NPAS2: variants seen among roughly 807,000 people sequenced by gnomAD.
NPAS2 encodes the protein neuronal PAS domain-containing protein 2.
Under a neutral mutation model 107.5 loss-of-function variants are expected in NPAS2, and 23 were observed. The ratio of observed to expected loss-of-function variants is 0.21; its 90% CI spans 0.15 to 0.30. The LOEUF (loss-of-function observed/expected upper bound fraction) is 0.30. NPAS2 is among the 10% of genes least tolerant of loss of function. NPAS2 has a pLI of 1.00. For missense variants in NPAS2, 756 were observed against 1,043.3 expected (o/e 0.72, Z 3.79); for synonymous variants, 403 against 417.5 (o/e 0.97, Z 0.42).
chr2:100,985,687 C>T (rs1677739398), intron 16 of NPAS2: 1 of 152,164 alleles, frequency 6.6e-6, no homozygotes, highest in African/African-American at 2.4e-5. Context: ...TCATTCAGTA[C>T]TTACTATGTC....
chr2:100,995,533 G>T lies in NPAS2; in HGVS notation c.2426G>T (p.Arg809Met). The T allele has an allele frequency of 6.2e-7, 1 of 1,612,106 alleles. No individual in the cohort carries two copies. The highest frequency in any genetic ancestry group is 1.7e-5 in the Admixed American group (1 of 59,856). The change falls in exon 21 of 21, where the codon AGG becomes ATG. Residue 809 changes from arginine to methionine, a missense_variant. Coordinates refer to ENST00000335681, the MANE Select transcript of NPAS2 (RefSeq NM_002518.4). ...CCCCAGCCCCTACGTCCTCCCCGAA[G>T]GGTCAGCAGTCTGTCTGAGTCGTCA... ...AQPQPLRPPRRVSSLSESSGL... is the reference protein window; with the variant it reads ...AQPQPLRPPRMVSSLSESSGL...
In NPAS2 at chr2:100,878,045, C is replaced by A. The variant is rs148565187; in HGVS notation, c.-22-26688C>A. On this transcript the variant is annotated intron_variant, in intron 1 of 20. Transcript: ENST00000335681. ...CCAGAGTGCTGTTCTTTGTAGGCCC[C>A]GTGGACCTGCCGTGATTGCAAAAAG... is the stretch of plus-strand genomic sequence containing the variant. The A allele has an allele frequency of 5.0e-4, 497 of 985,360 alleles. 4 individuals carry two copies. In the African/African-American group the frequency reaches 8.4e-3, roughly 17 times the overall value. 61.0% of individuals were successfully genotyped at this position (985,360 alleles called of 1,614,324 possible). A position where few individuals can be genotyped will look rare whatever the true frequency, so the allele number is the denominator to read the frequency against.
chr2:100,892,961 TC>T (rs145718083), intron 1 of NPAS2, among the ~76,000 whole-genome samples: 2,331 of 152,156 alleles, frequency 0.015, 28 homozygotes, highest in South Asian at 0.025. Flanking sequence ...CAAGTGATCC[TC>T]CCACCTCAGC....
intron 1 of NPAS2, among the ~76,000 whole-genome samples, chr2:100,865,869 T>C (rs1381180167): frequency 6.6e-6 from 1 of 152,178 alleles, no homozygotes; most frequent in Admixed American, 6.5e-5. Context: ...ATGGAAACCT[T>C]GAACTACCTC....
chr2:100,842,081 G>GCGCACACA lies in NPAS2; in HGVS notation c.-23+21668_-23+21669insGCACACAC. On this transcript the variant is annotated intron_variant, in intron 1 of 20. Coordinates refer to ENST00000335681, the MANE Select transcript of NPAS2 (RefSeq NM_002518.4). Reference sequence around the variant, plus strand: ...TTCATGCATGAGTGTGCATGTACGCGCACACACACACACACACACACACAC... The same window carrying GCGCACACA: ...TTCATGCATGAGTGTGCATGTACGCGCGCACACACACACACACACACACACACACACAC... Among the ~76,000 whole-genome samples, 8 of 148,798 alleles carry GCGCACACA rather than the reference G, an allele frequency of 5.4e-5. No individual in the cohort carries two copies. The South Asian group carries it at 6.4e-4, about 12-fold the overall frequency.
Position 100,925,141 on chromosome 2 carries a change from T to A in NPAS2, c.33-5T>A, listed in dbSNP as rs1683477714. 1 of 1,609,310 alleles carries A rather than the reference T, an allele frequency of 6.2e-7. No homozygotes were observed. Among genetic ancestry groups the A allele is most frequent in the Non-Finnish European group, 8.5e-7 (1 of 1,176,504 alleles). On this transcript the variant is annotated splice_polypyrimidine_tract_variant and splice_region_variant and intron_variant, in intron 2 of 20. Transcript: ENST00000335681. ...TCCAGTAACCTGCTCGTTTTGTGTT[T>A]ACAGAGCTTCTCGAAACAAGTCTGA...
chr2:100,949,838 G>C (rs566961983), intron 7 of NPAS2, among the ~76,000 whole-genome samples: 10 of 152,186 alleles, frequency 6.6e-5, no homozygotes, highest in African/African-American at 2.2e-4. Flanking sequence ...CCATAACCTT[G>C]CCTTCCACAC....
chr2:100,890,843 T>G (rs887488791), intron 1 of NPAS2, among the ~76,000 whole-genome samples: 1 of 152,126 alleles, frequency 6.6e-6, no homozygotes, highest in Non-Finnish European at 1.5e-5. Context: ...TGAGCTTGAC[T>G]TGGCCTTGGC....
chr2:100,821,623 A>G (rs1024481755), intron 1 of NPAS2, among the ~76,000 whole-genome samples: 1 of 152,218 alleles, frequency 6.6e-6, no homozygotes, highest in Non-Finnish European at 1.5e-5. Flanking sequence ...CCAGCAAGAC[A>G]TCTCTGCCAG....
chr2:100,983,926 A>C (rs756288805), intron 16 of NPAS2: 4 of 152,254 alleles, frequency 2.6e-5, no homozygotes, highest in Non-Finnish European at 4.4e-5. Context: ...AAATTGAGGT[A>C]GGCGTATGAA....
intron 1 of NPAS2, among the ~76,000 whole-genome samples, chr2:100,874,280 G>A (rs868524885): frequency 6.6e-6 from 1 of 152,096 alleles, no homozygotes; most frequent in Non-Finnish European, 1.5e-5. Context: ...TGTTGAGCAA[G>A]TAGAGGAAAG....
chr2:100,988,536 C>G, intron 17 of NPAS2: 1 of 484,598 alleles, frequency 2.1e-6, no homozygotes, highest in Non-Finnish European at 3.7e-6. Flanking sequence ...AAAGATATCA[C>G]TCGGCTGAAA....
At chr2:100,870,090 G>A (rs780859091) in intron 1 of NPAS2, among the ~76,000 whole-genome samples, 2 of 151,890 alleles carry the variant, frequency 1.3e-5, no homozygotes, top group Non-Finnish European at 2.9e-5. Context: ...TTTCAGAGAT[G>A]GGGTTTCACC....
At chr2:100,973,617 A>G (rs1214250180) in intron 12 of NPAS2, among the ~76,000 whole-genome samples, 1 of 152,134 alleles carries the variant, frequency 6.6e-6, no homozygotes, top group Non-Finnish European at 1.5e-5. Flanking sequence ...CTGTAGGTGT[A>G]CAATATCCAC....
intron 3 of NPAS2, among the ~76,000 whole-genome samples, chr2:100,931,352 A>G (rs3820785): frequency 0.22 from 33,710 of 152,124 alleles, 4,081 homozygotes; most frequent in East Asian, 0.33. Flanking sequence ...CCAATTTTGT[A>G]TAACAGCAGC....
chr2:100,982,677 T>C (rs1000967055), intron 16 of NPAS2: 3 of 416,614 alleles, frequency 7.2e-6, no homozygotes, highest in Non-Finnish European at 1.3e-5. Flanking sequence ...TTGCCCTGCA[T>C]GGATGCCTGC....
intron 17 of NPAS2, chr2:100,988,716 G>GC: frequency 3.1e-6 from 1 of 322,122 alleles, no homozygotes; most frequent in Non-Finnish European, 5.9e-6. Flanking sequence ...TGCCCCAGGT[G>GC]CCCCCTGCTC....
At chr2:100,973,508 G>T (rs1440929911) in intron 12 of NPAS2, among the ~76,000 whole-genome samples, 1 of 152,178 alleles carries the variant, frequency 6.6e-6, no homozygotes, top group East Asian at 1.9e-4. Flanking sequence ...CAAGCAGCAA[G>T]GTCCCCAAAT....
intron 1 of NPAS2, among the ~76,000 whole-genome samples, chr2:100,852,361 C>T (rs986249515): frequency 4.6e-5 from 7 of 151,964 alleles, no homozygotes; most frequent in South Asian, 2.1e-4. Flanking sequence ...CGCACCACTG[C>T]GCTCCAGCCT....
Sources: gnomAD v4.1 joint callset for allele counts (sites outside exome capture counted in the v4.1 genomes callset) on GRCh38, gnomAD v4.1.1 for gene constraint, MANE v1.5 for transcripts, NCBI Gene and HGNC (gene_info 2026-07-23, HGNC 2026-07-21) for gene names.